The following LTBP2 variants were observed in gnomAD, a reference collection of about 807,000 sequenced individuals.
LTBP2 encodes the protein latent transforming growth factor beta binding protein 2.
A neutral mutation model predicts 210.6 loss-of-function variants in LTBP2; 103 were observed. The observed-to-expected ratio is 0.49, with a 90% CI of 0.42 to 0.58. LTBP2 has a LOEUF of 0.58. Among genes scored for constraint, LTBP2 ranks in the 20% least tolerant of loss-of-function variants. The pLI, the probability that LTBP2 is intolerant of heterozygous loss-of-function variation, is 0.00. For missense variants in LTBP2, 2,313 were observed against 2,494.5 expected, an observed-to-expected ratio of 0.93 and a Z score of 1.55; for synonymous variants, 1,007 against 1,015.0, an observed-to-expected ratio of 0.99 and a Z score of 0.15.
intron 8 of LTBP2, among the ~76,000 whole-genome samples, chr14:74,541,555 T>A (rs1213115612): frequency 6.6e-6 from 1 of 152,026 alleles, no homozygotes; most frequent in African/African-American, 2.4e-5. Context: ...AGAGCTGGGA[T>A]TATGAACTCA....
At chr14:74,578,965 C>T (rs1010169793) in intron 3 of LTBP2, among the ~76,000 whole-genome samples, 1 of 152,242 alleles carries the variant, frequency 6.6e-6, no homozygotes, top group Non-Finnish European at 1.5e-5. Flanking sequence ...AAGCAATTCC[C>T]CTGTCTCAGC....
At chr14:74,517,265 A>G (rs556013041) in intron 17 of LTBP2, among the ~76,000 whole-genome samples, 1 of 152,216 alleles carries the variant, frequency 6.6e-6, no homozygotes, top group Admixed American at 6.5e-5. Context: ...CATACAGTAT[A>G]AACTGCAGAG....
chr14:74,525,111 T>G lies in LTBP2; in HGVS notation c.2530+13A>C. On this transcript the variant is annotated intron_variant, in intron 15 of 35. Transcript: ENST00000261978. ...CAGGGTGCAGGGAGCCCCAAAGGTCTGGCTGCAGCTACCTGGGGTGCTCAG... is the reference window on the plus strand; with the variant it reads ...CAGGGTGCAGGGAGCCCCAAAGGTCGGGCTGCAGCTACCTGGGGTGCTCAG... The G allele has an allele frequency of 7.6e-7, 1 of 1,312,410 alleles. No homozygotes were observed. Among genetic ancestry groups the G allele is most frequent in the Non-Finnish European group, 9.8e-7 (1 of 1,016,488 alleles). The allele number at this position is 1,312,410 out of a possible 1,614,324, so 81.3% of individuals were successfully genotyped here.
In LTBP2 at chr14:74,609,760, T is replaced by C. The variant is rs144616141; in HGVS notation, c.494+1691A>G. ...ACTCCTTTGCACTTAACAGGAACCTTCCAGTACTAGAAAGCATCTGTTCAT... is the reference window on the plus strand; with the variant it reads ...ACTCCTTTGCACTTAACAGGAACCTCCCAGTACTAGAAAGCATCTGTTCAT... On this transcript the variant is annotated intron_variant, in intron 1 of 35. Transcript: ENST00000261978. 9.8e-4 allele frequency among the ~76,000 whole-genome samples: 150 copies of C among 152,300 alleles called. 1 individual carries two copies. Among genetic ancestry groups the C allele is most frequent in the African/African-American group, 3.4e-3 (140 of 41,568 alleles).
At chr14:74,513,322 A>T (rs1295097147) in intron 18 of LTBP2, among the ~76,000 whole-genome samples, 1 of 152,246 alleles carries the variant, frequency 6.6e-6, no homozygotes, top group Non-Finnish European at 1.5e-5. Flanking sequence ...AGTGAGGGCC[A>T]ACGAACTGTG....
chr14:74,509,506 C>A (rs2087041175), intron 21 of LTBP2, 143 bp from the exon 22 acceptor site: 1 of 1,238,256 alleles, frequency 8.1e-7, no homozygotes, highest in African/African-American at 1.5e-5. Flanking sequence ...GACAGCCCTG[C>A]CCTCAGCTTC....
At chr14:74,575,276 G>A (rs1246158318) in intron 3 of LTBP2, among the ~76,000 whole-genome samples, 2 of 152,234 alleles carry the variant, frequency 1.3e-5, no homozygotes, top group Middle Eastern at 3.2e-3. Flanking sequence ...AGAGATGCAC[G>A]TTAACACTAC....
At chr14:74,534,790 C>T (rs759114889) in intron 9 of LTBP2, among the ~76,000 whole-genome samples, 1 of 151,974 alleles carries the variant, frequency 6.6e-6, no homozygotes, top group Admixed American at 6.5e-5. Flanking sequence ...ATGAGCAGGT[C>T]CCTTCGCAGA....
intron 8 of LTBP2, among the ~76,000 whole-genome samples, chr14:74,540,181 A>C (rs2087474733): frequency 6.6e-6 from 1 of 152,120 alleles, no homozygotes; most frequent in Admixed American, 6.6e-5. Context: ...AATCCAAAAA[A>C]TCAGGTTAAG....
chr14:74,514,878 G>A lies in LTBP2; in HGVS notation c.2908+1944C>T, dbSNP rs143956423. Among the ~76,000 whole-genome samples, 119 of 152,334 alleles carry A rather than the reference G, an allele frequency of 7.8e-4. 1 individual carries two copies. Among genetic ancestry groups the A allele is most frequent in the Middle Eastern group, 3.4e-3 (1 of 294 alleles). On this transcript the variant is annotated intron_variant, in intron 18 of 35. Transcript: ENST00000261978. ...TGGTTACCGATGGAAACCTGGAGAA[G>A]TGTGCGGGCTACATCATTCTTTCTT...
At position 74,585,945 on chromosome 14, in the gene LTBP2, G is replaced by T; in HGVS notation, c.739C>A (p.Arg247Ser). 3 of 1,613,870 alleles carry T rather than the reference G, an allele frequency of 1.9e-6. No individual in the cohort carries two copies. Among genetic ancestry groups the T allele is most frequent in the Non-Finnish European group, 2.5e-6 (3 of 1,179,870 alleles). Reference sequence around the variant, plus strand: ...CCCTCTCCAGCCGCACTGCTCCTGCGCAGGTTGGGTGAACGCTCGGCCCAG... The same window carrying T: ...CCCTCTCCAGCCGCACTGCTCCTGCTCAGGTTGGGTGAACGCTCGGCCCAG... The part of the protein sequence containing the change: ...RRWAERSPNL[R>S]RSSAAGEGTL... The change falls in exon 3 of 36, where the codon CGC becomes AGC. Residue 247 changes from arginine to serine, a missense_variant. Arg to Ser is a moderately radical substitution (Grantham distance 110). Around this residue, in one of 3 missense-constraint regions of LTBP2, gnomAD observed 1,867 missense variants for 1,976.9 expected, o/e 0.94. Transcript: ENST00000261978.
rs1259189720 is a variant in LTBP2, at chr14:74,500,425, A to G, written c.*459T>C. The G allele has an allele frequency of 5.5e-6, 2 of 360,602 alleles. No homozygotes were observed. The highest frequency in any genetic ancestry group is 8.5e-5 in the Admixed American group (2 of 23,548). 22.3% of individuals were successfully genotyped at this position (360,602 alleles called of 1,614,324 possible). The stretch of plus-strand genomic sequence containing the variant: ...TGGAGTCAGTCCCCAAGCTTCCCCA[A>G]ATCCTTTCTTGCTCCACAGATTCTG... On this transcript the variant is annotated 3_prime_UTR_variant, in exon 36 of 36. Coordinates refer to ENST00000261978, the MANE Select transcript of LTBP2 (RefSeq NM_000428.3).
intron 15 of LTBP2, 58 bp downstream of exon 15, chr14:74,525,066 G>T: frequency 2.0e-6 from 2 of 1,022,986 alleles, no homozygotes; most frequent in Non-Finnish European, 2.6e-6. Flanking sequence ...GTTGGCTCTG[G>T]ACAGACACAG....
chr14:74,563,004 G>A (rs1386109280), intron 3 of LTBP2, among the ~76,000 whole-genome samples: 2 of 152,096 alleles, frequency 1.3e-5, no homozygotes, highest in African/African-American at 2.4e-5. Flanking sequence ...AGCAGCTAAA[G>A]GCTTATACCT....
chr14:74,584,146 G>C (rs895820987), intron 3 of LTBP2, among the ~76,000 whole-genome samples: 1 of 152,222 alleles, frequency 6.6e-6, no homozygotes, highest in Non-Finnish European at 1.5e-5. Flanking sequence ...TCTACAAGCA[G>C]CTGGGGGTGC....
intron 17 of LTBP2, among the ~76,000 whole-genome samples, chr14:74,520,663 T>C (rs2139708281): frequency 6.6e-6 from 1 of 152,192 alleles, no homozygotes; most frequent in Non-Finnish European, 1.5e-5. Context: ...TAGCCGAGCG[T>C]GGTGGCAGGC....
At chr14:74,607,629 C>G (rs2088544116) in intron 1 of LTBP2, among the ~76,000 whole-genome samples, 1 of 152,082 alleles carries the variant, frequency 6.6e-6, no homozygotes, top group African/African-American at 2.4e-5. Flanking sequence ...ATTATATTAA[C>G]ATGGTTAAAT....
chr14:74,514,643 T>C (rs140600905), intron 18 of LTBP2, among the ~76,000 whole-genome samples: 2,241 of 152,270 alleles, frequency 0.015, 42 homozygotes, highest in Admixed American at 0.059. Context: ...GCCCTGGCAG[T>C]CTGCAGGGAA....
chr14:74,582,477 C>T (rs73297967), intron 3 of LTBP2, among the ~76,000 whole-genome samples: 2,796 of 151,790 alleles, frequency 0.018, 79 homozygotes, highest in African/African-American at 0.064. Context: ...TCCCATCCAC[C>T]CAAGTCCTCA....
Sources: allele counts gnomAD v4.1 joint callset (sites outside exome capture counted in the v4.1 genomes callset), GRCh38; gene constraint gnomAD v4.1.1; regional missense constraint gnomAD v4.1.1; transcripts MANE v1.5; gene names NCBI Gene and HGNC (gene_info 2026-07-23, HGNC 2026-07-21).